Variants in LTV1 observed in about 807,000 individuals in gnomAD.
LTV1 encodes the protein LTV1 ribosome biogenesis factor.
Under a neutral mutation model 59.9 loss-of-function variants are expected in LTV1, and 39 were observed. The ratio of observed to expected loss-of-function variants is 0.65; its 90% CI spans 0.50 to 0.85. The LOEUF (loss-of-function observed/expected upper bound fraction) is 0.85. Among genes scored for constraint, LTV1 ranks in the 40% least tolerant of loss-of-function variants. The pLI, the probability that LTV1 is intolerant of heterozygous loss-of-function variation, is 0.00. For synonymous variants in LTV1, 171 were observed against 189.5 expected (o/e 0.90, Z 0.80); for missense variants, 493 against 549.1 (o/e 0.90, Z 1.02).
intron 3 of LTV1, among the ~76,000 whole-genome samples, chr6:143,849,212 G>A (rs1414029612): frequency 1.3e-5 from 2 of 152,158 alleles, no homozygotes; most frequent in Admixed American, 6.5e-5. Flanking sequence ...ATGCCCCAAA[G>A]AATAGAGTGA....
chr6:143,854,228 T>C (rs1777037475), intron 4 of LTV1, among the ~76,000 whole-genome samples: 1 of 152,240 alleles, frequency 6.6e-6, no homozygotes, highest in Non-Finnish European at 1.5e-5. Context: ...TTTTCTAGTT[T>C]ATTTTCATAG....
intron 7 of LTV1, among the ~76,000 whole-genome samples, chr6:143,860,953 T>C (rs903394626): frequency 1.9e-4 from 29 of 151,616 alleles, no homozygotes; most frequent in African/African-American, 7.0e-4. Context: ...TGGAATGCAG[T>C]GGTGCGATCT....
rs187371801 is a variant in LTV1 at position 143,855,562 on chromosome 6, G to C, written c.398-1741G>C. On this transcript the variant is annotated intron_variant, in intron 4 of 10. Coordinates refer to ENST00000367576, the MANE Select transcript of LTV1 (RefSeq NM_032860.5). This position sits in a 1 kb window ranked among gnomAD's most constrained non-coding sequence, Gnocchi z 4.6. ...ATCGATGGTCTTTACTGTTTGGTAC[G>C]TTTTGCAGTGGCTGGTACCAGTTTT... Among the ~76,000 whole-genome samples, 135 of 152,248 alleles carry C rather than the reference G, an allele frequency of 8.9e-4. No individual in the cohort carries two copies. Among genetic ancestry groups the C allele is most frequent in the African/African-American group, 3.0e-3 (125 of 41,550 alleles).
At chr6:143,845,294 G>C (rs1005819420) in intron 2 of LTV1, among the ~76,000 whole-genome samples, 6 of 152,094 alleles carry the variant, frequency 3.9e-5, no homozygotes, top group Non-Finnish European at 5.9e-5. Context: ...AGAGTACTGG[G>C]GGACATGGGC....
At chr6:143,848,243 A>G (rs1562329267) in intron 3 of LTV1, among the ~76,000 whole-genome samples, 2 of 152,218 alleles carry the variant, frequency 1.3e-5, no homozygotes, top group South Asian at 2.1e-4. Context: ...CCTTTTTAAA[A>G]ACCTAAAAGA....
chr6:143,845,816 A>G (rs1776880765), intron 2 of LTV1, among the ~76,000 whole-genome samples: 3 of 152,222 alleles, frequency 2.0e-5, no homozygotes. Flanking sequence ...TAAAAGCATG[A>G]ATGTTTTCAT....
chr6:143,862,802 A>G lies in LTV1; in HGVS notation c.1064-42A>G. ...AATTCAGTAATGCTTTGTGGAACTGAAAACATGCTTACTGATACATGACTT... is the reference window on the plus strand; with the variant it reads ...AATTCAGTAATGCTTTGTGGAACTGGAAACATGCTTACTGATACATGACTT... On this transcript the variant is annotated intron_variant, in intron 8 of 10. Transcript: ENST00000367576. This position sits in a 1 kb window ranked among gnomAD's most constrained non-coding sequence, Gnocchi z 4.2. 1.6e-6 allele frequency: 2 copies of G among 1,269,746 alleles called. No individual in the cohort carries two copies. Among genetic ancestry groups the G allele is most frequent in the Non-Finnish European group, 2.3e-6 (2 of 867,094 alleles). The allele number at this position is 1,269,746 out of a possible 1,614,324, so 78.7% of individuals were successfully genotyped here. A position where few individuals can be genotyped will look rare whatever the true frequency, so the allele number is the denominator to read the frequency against.
At chr6:143,860,400 G>A (rs1777142577) in intron 6 of LTV1, 26 bp from the exon 7 acceptor site, 7 of 1,605,356 alleles carry the variant, frequency 4.4e-6, no homozygotes, top group Non-Finnish European at 5.1e-6. Flanking sequence ...GCTTTTCATG[G>A]TATCTTTTCT....
rs964227171 is a variant in LTV1, at chr6:143,857,199, A to G, written c.398-104A>G. On this transcript the variant is annotated intron_variant, in intron 4 of 10. Transcript: ENST00000367576. This position sits in a 1 kb window ranked among gnomAD's most constrained non-coding sequence, Gnocchi z 5.2. ...GTTCTTAATCGTTCTTTTATCCTCAATATATTAATAGACTCTTGCTATCAT... is the reference window on the plus strand; with the variant it reads ...GTTCTTAATCGTTCTTTTATCCTCAGTATATTAATAGACTCTTGCTATCAT... 3.0e-5 allele frequency: 39 copies of G among 1,317,962 alleles called. No homozygotes were observed. In the South Asian group the frequency reaches 4.5e-4, roughly 15 times the overall value. 81.6% of individuals were successfully genotyped at this position (1,317,962 alleles called of 1,614,324 possible).
At position 143,857,592 on chromosome 6, in the gene LTV1, C is replaced by A; in HGVS notation, c.539+148C>A. On this transcript the variant is annotated intron_variant, in intron 5 of 10. Transcript: ENST00000367576. The surrounding 1 kb of genome is among the most constrained non-coding windows in gnomAD (Gnocchi z 5.2). ...ATTTTAGAGCAGAAAATGTGAGATTCATTGCTTTTCCTACCAAACCAGATT... is the reference window on the plus strand; with the variant it reads ...ATTTTAGAGCAGAAAATGTGAGATTAATTGCTTTTCCTACCAAACCAGATT... 9.1e-7 allele frequency: 1 copy of A among 1,098,462 alleles called. No homozygotes were observed. Among genetic ancestry groups the A allele is most frequent in the Non-Finnish European group, 1.3e-6 (1 of 749,498 alleles). The allele number at this position is 1,098,462 out of a possible 1,614,324, so 68.0% of individuals were successfully genotyped here.
chr6:143,845,819 G>A (rs1776880829), intron 2 of LTV1, among the ~76,000 whole-genome samples: 1 of 152,190 alleles, frequency 6.6e-6, no homozygotes, highest in Non-Finnish European at 1.5e-5. Context: ...AAGCATGAAT[G>A]TTTTCATTCC....
Position 143,863,420 on chromosome 6 carries a change from C to G in LTV1, c.1321C>G (p.Arg441Gly). ...TATATTCTTGTACTTATAACAGGAA[C>G]GAAGAGTGGAGAAGAAAGCTAACAA... ...KQAIKEERKE[R>G]RVEKKANKLA... Residue 441 changes from arginine to glycine, a missense_variant, in exon 11 of 11, where the codon CGA becomes GGA. Coordinates refer to ENST00000367576, the MANE Select transcript of LTV1 (RefSeq NM_032860.5). The surrounding 1 kb of genome is among the most constrained non-coding windows in gnomAD (Gnocchi z 4.5). 1 of 1,611,660 alleles carries G rather than the reference C, an allele frequency of 6.2e-7. No individual in the cohort carries two copies. The highest frequency in any genetic ancestry group is 1.7e-5 in the Admixed American group (1 of 59,936).
Position 143,857,220 on chromosome 6 carries a change from A to AAT in LTV1, c.398-83_398-82insAT. On this transcript the variant is annotated intron_variant, in intron 4 of 10. Coordinates refer to ENST00000367576, the MANE Select transcript of LTV1 (RefSeq NM_032860.5). The surrounding 1 kb of genome is among the most constrained non-coding windows in gnomAD (Gnocchi z 5.2). ...CTCAATATATTAATAGACTCTTGCTATCATAGGTCCTTATATTGTGAGTTA... is the reference window on the plus strand; with the variant it reads ...CTCAATATATTAATAGACTCTTGCTAATTCATAGGTCCTTATATTGTGAGTTA... 1 of 1,505,290 alleles carries AAT rather than the reference A, an allele frequency of 6.6e-7. No homozygotes were observed. Among genetic ancestry groups the AAT allele is most frequent in the Non-Finnish European group, 9.1e-7 (1 of 1,096,394 alleles). 93.2% of individuals were successfully genotyped at this position (1,505,290 alleles called of 1,614,324 possible). A position where few individuals can be genotyped will look rare whatever the true frequency, so the allele number is the denominator to read the frequency against.
At chr6:143,845,488 A>C (rs558740015) in intron 2 of LTV1, among the ~76,000 whole-genome samples, 1 of 152,008 alleles carries the variant, frequency 6.6e-6, no homozygotes, top group Non-Finnish European at 1.5e-5. Flanking sequence ...CGATCCTCCC[A>C]CCTTAGCCTC....
Position 143,863,041 on chromosome 6 carries a change from A to T in LTV1, c.1117-45A>T. ...TATGTCATTAATGAGCTATTTTTTA[A>T]TAGGAATGAGAAGTAACTCTAGTAC... On this transcript the variant is annotated intron_variant, in intron 9 of 10. Transcript: ENST00000367576. The surrounding 1 kb of genome is among the most constrained non-coding windows in gnomAD (Gnocchi z 4.5). The T allele has an allele frequency of 1.3e-6, 2 of 1,535,514 alleles. No homozygotes were observed. Among genetic ancestry groups the T allele is most frequent in the Non-Finnish European group, 1.8e-6 (2 of 1,111,650 alleles).
intron 6 of LTV1, among the ~76,000 whole-genome samples, chr6:143,859,839 C>T (rs745975381): frequency 1.3e-4 from 20 of 152,156 alleles, no homozygotes; most frequent in Non-Finnish European, 1.9e-4. Flanking sequence ...CGTAGTGTCT[C>T]GTGCCTATAA....
chr6:143,863,268 T>C lies in LTV1; in HGVS notation c.1299T>C (p.Ala433=). 1.2e-6 allele frequency: 2 copies of C among 1,613,796 alleles called. No individual in the cohort carries two copies. Among genetic ancestry groups the C allele is most frequent in the Non-Finnish European group, 1.7e-6 (2 of 1,179,898 alleles). The change falls in exon 10 of 11, where the codon GCT becomes GCC. Residue 433 remains alanine, a synonymous_variant. Coordinates refer to ENST00000367576, the MANE Select transcript of LTV1 (RefSeq NM_032860.5). This position sits in a 1 kb window ranked among gnomAD's most constrained non-coding sequence, Gnocchi z 4.5. ...SKEDKRARKQ[A]IKEERKERRV... ...AAGATAAAAGAGCAAGAAAGCAAGCTATAAAAGAAGAGCGCAAGGTAAAAT... is the reference window on the plus strand; with the variant it reads ...AAGATAAAAGAGCAAGAAAGCAAGCCATAAAAGAAGAGCGCAAGGTAAAAT...
chr6:143,854,308 A>G (rs570276854), intron 4 of LTV1, among the ~76,000 whole-genome samples: 61 of 152,038 alleles, frequency 4.0e-4, no homozygotes, highest in African/African-American at 1.4e-3. Context: ...CCCTTTATCA[A>G]TTTTTATTGT....
Position 143,850,720 on chromosome 6 carries a change from A to G in LTV1, c.397+502A>G, listed in dbSNP as rs189743764. On this transcript the variant is annotated intron_variant, in intron 4 of 10. Coordinates refer to ENST00000367576, the MANE Select transcript of LTV1 (RefSeq NM_032860.5). The stretch of plus-strand genomic sequence containing the variant: ...GAAGTGGTGTTGGTATTTTCTCCCA[A>G]GTTGCCTTAATTATTAACTAACACC... Among the ~76,000 whole-genome samples the G allele has an allele frequency of 1.4e-3, 212 of 152,326 alleles. 2 individuals carry two copies. The highest frequency in any genetic ancestry group is 0.012 in the Admixed American group (178 of 15,302).
Sources: gnomAD v4.1 joint callset for allele counts (sites outside exome capture counted in the v4.1 genomes callset) on GRCh38, gnomAD v4.1.1 for gene constraint, Gnocchi (gnomAD v3.1) non-coding constraint, MANE v1.5 for transcripts, NCBI Gene and HGNC (gene_info 2026-07-23, HGNC 2026-07-21) for gene names.